ZNF804A: variants seen among roughly 807,000 people sequenced by gnomAD.
The protein encoded by ZNF804A is zinc finger protein 804A.
A neutral mutation model predicts 16.5 loss-of-function variants in ZNF804A; 2 were observed. The ratio of observed to expected loss-of-function variants is 0.12; its 90% CI spans 0.05 to 0.38. The LOEUF (loss-of-function observed/expected upper bound fraction) is 0.38, where lower values mean the gene tolerates loss of function less well. ZNF804A is among the 10% of genes least tolerant of loss of function. ZNF804A has a pLI of 0.99. For missense variants in ZNF804A, 1,473 were observed against 1,390.7 expected, an observed-to-expected ratio of 1.06 and a Z score of -0.94; for synonymous variants, 534 against 489.6, an observed-to-expected ratio of 1.09 and a Z score of -1.20.
At chr2:184,708,525 T>C (rs960173337) in intron 1 of ZNF804A, among the ~76,000 whole-genome samples, 1 of 151,584 alleles carries the variant, frequency 6.6e-6, no homozygotes, top group East Asian at 1.9e-4. Context: ...TTCAACAGAG[T>C]CAACAAAAAT....
intron 1 of ZNF804A, among the ~76,000 whole-genome samples, chr2:184,765,611 C>CG (rs1559144767): frequency 6.8e-6 from 1 of 146,388 alleles, no homozygotes; most frequent in African/African-American, 2.6e-5. Context: ...ATGCACCCCC[C>CG]CCCCTTAGAG....
At chr2:184,832,240 T>C (rs532249814) in intron 1 of ZNF804A, among the ~76,000 whole-genome samples, 2 of 152,042 alleles carry the variant, frequency 1.3e-5, no homozygotes, top group Middle Eastern at 6.8e-3. Context: ...TCCAAATATC[T>C]CCTGTTTTGC....
intron 1 of ZNF804A, among the ~76,000 whole-genome samples, chr2:184,838,750 G>A (rs1695392319): frequency 1.3e-5 from 2 of 151,824 alleles, no homozygotes; most frequent in South Asian, 4.2e-4. Context: ...TAACAGAAAA[G>A]GGACAATTTT....
At chr2:184,812,220 A>G (rs1694912213) in intron 1 of ZNF804A, among the ~76,000 whole-genome samples, 1 of 152,208 alleles carries the variant, frequency 6.6e-6, no homozygotes, top group Non-Finnish European at 1.5e-5. Context: ...ACTAAAATGA[A>G]AAATGGCCAT....
At chr2:184,637,923 A>G (rs977465377) in intron 1 of ZNF804A, among the ~76,000 whole-genome samples, 72 of 152,184 alleles carry the variant, frequency 4.7e-4, no homozygotes, top group African/African-American at 1.7e-3. Flanking sequence ...TATATTCTGA[A>G]CCCCTGGGAA....
chr2:184,685,593 A>G (rs1469620690), intron 1 of ZNF804A, among the ~76,000 whole-genome samples: 6 of 152,134 alleles, frequency 3.9e-5, no homozygotes, highest in Non-Finnish European at 5.9e-5. Flanking sequence ...AAAAGTGGGT[A>G]GCTCCTTTCC....
At chr2:184,889,885 G>A (rs754817205) in intron 2 of ZNF804A, among the ~76,000 whole-genome samples, 15 of 151,988 alleles carry the variant, frequency 9.9e-5, no homozygotes, top group Admixed American at 6.6e-4. Flanking sequence ...TACTAAGTAC[G>A]AAACTTAAAC....
At chr2:184,682,878 T>C (rs925224718) in intron 1 of ZNF804A, among the ~76,000 whole-genome samples, 6 of 152,082 alleles carry the variant, frequency 3.9e-5, no homozygotes, top group African/African-American at 1.4e-4. Flanking sequence ...CATGGTGGTG[T>C]ACCCCTGTAG....
chr2:184,713,894 T>C (rs1273907260), intron 1 of ZNF804A, among the ~76,000 whole-genome samples: 4 of 152,044 alleles, frequency 2.6e-5, no homozygotes, highest in Non-Finnish European at 4.4e-5. Flanking sequence ...ATTTGGTTTG[T>C]TGCATATACA....
intron 1 of ZNF804A, among the ~76,000 whole-genome samples, chr2:184,862,455 G>T (rs911307666): frequency 6.6e-6 from 1 of 152,088 alleles, no homozygotes; most frequent in Admixed American, 6.5e-5. Context: ...ACATCAACTT[G>T]AAAGTCTGGC....
intron 1 of ZNF804A, among the ~76,000 whole-genome samples, chr2:184,665,136 C>A (rs1692237006): frequency 6.6e-6 from 1 of 152,090 alleles, no homozygotes; most frequent in African/African-American, 2.4e-5. Context: ...TTAAAACAAT[C>A]ATTTAAAATA....
At chr2:184,840,327 C>A (rs548620396) in intron 1 of ZNF804A, among the ~76,000 whole-genome samples, 2 of 151,966 alleles carry the variant, frequency 1.3e-5, no homozygotes, top group South Asian at 4.2e-4. Context: ...GATGATGCAG[C>A]GAGCTGAGAT....
chr2:184,650,189 A>G (rs1394258252), intron 1 of ZNF804A, among the ~76,000 whole-genome samples: 1 of 152,196 alleles, frequency 6.6e-6, no homozygotes, highest in Non-Finnish European at 1.5e-5. Flanking sequence ...CATTATAGAA[A>G]CATAATTAAA....
chr2:184,648,241 T>C (rs1270424390), intron 1 of ZNF804A, among the ~76,000 whole-genome samples: 3 of 152,108 alleles, frequency 2.0e-5, no homozygotes, highest in African/African-American at 7.2e-5. Flanking sequence ...AGAACAGCCA[T>C]ACAAGAGATT....
At chr2:184,899,513 A>T (rs932041524) in intron 2 of ZNF804A, among the ~76,000 whole-genome samples, 4 of 152,166 alleles carry the variant, frequency 2.6e-5, no homozygotes, top group Non-Finnish European at 5.9e-5. Context: ...TAGGGGATTT[A>T]AAAAGAAAAA....
At chr2:184,931,067 A>C (rs1439698975) in intron 2 of ZNF804A, among the ~76,000 whole-genome samples, 2 of 152,278 alleles carry the variant, frequency 1.3e-5, no homozygotes, top group East Asian at 3.9e-4. Context: ...AAACCACTGG[A>C]TCTCATGAGA....
At chr2:184,650,017 A>G (rs1483834114) in intron 1 of ZNF804A, among the ~76,000 whole-genome samples, 1 of 151,946 alleles carries the variant, frequency 6.6e-6, no homozygotes, top group Middle Eastern at 3.2e-3. Context: ...AAAAAAGAAA[A>G]CTGTAGGCCA....
At chr2:184,920,527 C>G (rs532056653) in intron 2 of ZNF804A, among the ~76,000 whole-genome samples, 109 of 152,194 alleles carry the variant, frequency 7.2e-4, no homozygotes, top group African/African-American at 2.5e-3. Flanking sequence ...TGAGTCATGC[C>G]TTTATATAAT....
intron 1 of ZNF804A, among the ~76,000 whole-genome samples, chr2:184,821,560 A>G (rs1695083668): frequency 6.6e-6 from 1 of 152,134 alleles, no homozygotes; most frequent in Non-Finnish European, 1.5e-5. Context: ...AAAATTGAGA[A>G]ATAGGATCTA....
Sources: gnomAD v4.1 joint callset for allele counts (sites outside exome capture counted in the v4.1 genomes callset) on GRCh38, gnomAD v4.1.1 for gene constraint, MANE v1.5 for transcripts, NCBI Gene and HGNC (gene_info 2026-07-23, HGNC 2026-07-21) for gene names.